ADAMTS12: variants seen among roughly 807,000 people sequenced by gnomAD.
ADAMTS12 encodes the protein ADAM metallopeptidase with thrombospondin type 1 motif 12.
A neutral mutation model predicts 167.8 loss-of-function variants in ADAMTS12; 118 were observed. The observed-to-expected ratio is 0.70, with a 90% CI of 0.61 to 0.82. The LOEUF is 0.82. Among genes scored for constraint, ADAMTS12 ranks in the 40% least tolerant of loss-of-function variants. The probability of loss-of-function intolerance (pLI) is 0.00; values close to 1 mark genes in which losing one functional copy is unlikely to be tolerated. For synonymous variants in ADAMTS12, 704 were observed against 716.9 expected (o/e 0.98, Z 0.29); for missense variants, 1,916 against 1,998.8 (o/e 0.96, Z 0.79).
chr5:33,741,851 C>T (rs1041419963), intron 3 of ADAMTS12, among the ~76,000 whole-genome samples: 1 of 152,164 alleles, frequency 6.6e-6, no homozygotes, highest in African/African-American at 2.4e-5. Context: ...TGGTCTCAAT[C>T]TCTTGACCTT....
At chr5:33,543,415 C>T (rs539459817) in intron 22 of ADAMTS12, among the ~76,000 whole-genome samples, 70 of 152,182 alleles carry the variant, frequency 4.6e-4, no homozygotes, top group East Asian at 3.7e-3. Context: ...AGGATTCACA[C>T]GCGAATTCTA....
At chr5:33,780,768 G>A (rs544398571) in intron 2 of ADAMTS12, among the ~76,000 whole-genome samples, 2 of 152,270 alleles carry the variant, frequency 1.3e-5, no homozygotes, top group African/African-American at 4.8e-5. Context: ...AGCACCCCTT[G>A]CTTCCCAGCT....
chr5:33,705,821 CAAT>C (rs138711243), intron 3 of ADAMTS12, among the ~76,000 whole-genome samples: 4 of 151,220 alleles, frequency 2.6e-5, no homozygotes, highest in Non-Finnish European at 1.5e-5. Context: ...AAAATAATAA[CAAT>C]AATAATAATA....
intron 9 of ADAMTS12, among the ~76,000 whole-genome samples, chr5:33,646,227 A>G (rs1011806292): frequency 6.6e-6 from 1 of 152,248 alleles, no homozygotes; most frequent in Non-Finnish European, 1.5e-5. Context: ...AAAATCATGC[A>G]TAATATATTT....
At chr5:33,844,303 G>A (rs373156216) in intron 2 of ADAMTS12, among the ~76,000 whole-genome samples, 121 of 152,304 alleles carry the variant, frequency 7.9e-4, no homozygotes, top group African/African-American at 2.3e-3. Context: ...TCTGACTGCC[G>A]GTGAGCCAGG....
intron 17 of ADAMTS12, among the ~76,000 whole-genome samples, chr5:33,590,283 A>G (rs1252635450): frequency 6.6e-6 from 1 of 152,244 alleles, no homozygotes; most frequent in East Asian, 1.9e-4. Context: ...AGTTTTCTCT[A>G]CAGTCCCTTA....
chr5:33,763,177 C>T (rs1745416159), intron 2 of ADAMTS12, among the ~76,000 whole-genome samples: 1 of 152,132 alleles, frequency 6.6e-6, no homozygotes, highest in South Asian at 2.1e-4. Context: ...TGGAACCTGC[C>T]AATATCTTAC....
intron 2 of ADAMTS12, among the ~76,000 whole-genome samples, chr5:33,819,192 T>C (rs967417012): frequency 3.9e-5 from 6 of 152,166 alleles, no homozygotes; most frequent in African/African-American, 1.2e-4. Flanking sequence ...ATTTTCCTTA[T>C]GTTATCTTCC....
intron 18 of ADAMTS12, 144 bp from the exon 19 acceptor site, chr5:33,577,304 C>CT (rs1746810175): frequency 2.5e-6 from 3 of 1,206,414 alleles, no homozygotes; most frequent in Middle Eastern, 2.6e-4. Flanking sequence ...TTTCTGTGCT[C>CT]TTTCAGTTTT....
chr5:33,581,206 TC>T (rs1448793467), intron 18 of ADAMTS12, among the ~76,000 whole-genome samples: 3 of 152,198 alleles, frequency 2.0e-5, no homozygotes, highest in African/African-American at 7.2e-5. Context: ...AACGCCACAC[TC>T]CAAACCTATC....
intron 3 of ADAMTS12, among the ~76,000 whole-genome samples, chr5:33,688,341 C>T (rs1243449236): frequency 8.2e-6 from 1 of 121,266 alleles, no homozygotes; most frequent in African/African-American, 3.1e-5. Context: ...ATTTCCAGTG[C>T]TGAGAGAGGA....
At chr5:33,673,845 G>A (rs1408717791) in intron 5 of ADAMTS12, among the ~76,000 whole-genome samples, 2 of 150,164 alleles carry the variant, frequency 1.3e-5, no homozygotes, top group Non-Finnish European at 3.0e-5. Context: ...CCTCTTCCTA[G>A]ATTGTCTTTT....
chr5:33,697,060 T>C (rs1742807456), intron 3 of ADAMTS12, among the ~76,000 whole-genome samples: 1 of 152,230 alleles, frequency 6.6e-6, no homozygotes. Context: ...CTCTAACATG[T>C]AGTTTAAAGC....
At chr5:33,599,411 G>C (rs150799744) in intron 16 of ADAMTS12, among the ~76,000 whole-genome samples, 5 of 152,220 alleles carry the variant, frequency 3.3e-5, no homozygotes, top group Non-Finnish European at 7.4e-5. Flanking sequence ...CAGTTCTTCT[G>C]TTTTCCCTCC....
At chr5:33,796,231 C>G (rs1223113765) in intron 2 of ADAMTS12, among the ~76,000 whole-genome samples, 1 of 152,234 alleles carries the variant, frequency 6.6e-6, no homozygotes, top group Non-Finnish European at 1.5e-5. Flanking sequence ...CCAACAATCA[C>G]AGAGTTCATC....
intron 14 of ADAMTS12, among the ~76,000 whole-genome samples, chr5:33,618,600 G>T (rs1019282257): frequency 6.6e-6 from 1 of 152,108 alleles, no homozygotes; most frequent in Non-Finnish European, 1.5e-5. Context: ...TTCTTTCTGG[G>T]ACAGTCGTCT....
chr5:33,728,645 C>T (rs1449287668), intron 3 of ADAMTS12, among the ~76,000 whole-genome samples: 1 of 152,132 alleles, frequency 6.6e-6, no homozygotes, highest in Non-Finnish European at 1.5e-5. Context: ...CAGGCTCAGG[C>T]GACCACCAGC....
At chr5:33,561,536 A>T (rs1042680400) in intron 19 of ADAMTS12, among the ~76,000 whole-genome samples, 1 of 152,164 alleles carries the variant, frequency 6.6e-6, no homozygotes, top group Non-Finnish European at 1.5e-5. Flanking sequence ...TAATCCCAAC[A>T]CTATGGGAGG....
intron 16 of ADAMTS12, among the ~76,000 whole-genome samples, chr5:33,597,212 G>C (rs924169640): frequency 1.3e-5 from 2 of 152,140 alleles, no homozygotes; most frequent in Non-Finnish European, 2.9e-5. Context: ...GTAGAGGAGT[G>C]GCCAGACTGT....
Sources: gnomAD v4.1 joint callset for allele counts (sites outside exome capture counted in the v4.1 genomes callset) on GRCh38, gnomAD v4.1.1 for gene constraint, MANE v1.5 for transcripts, NCBI Gene and HGNC (gene_info 2026-07-23, HGNC 2026-07-21) for gene names.